Variants in DDX10 observed in about 807,000 individuals in gnomAD.
DDX10 encodes the protein probable ATP-dependent RNA helicase DDX10.
A neutral mutation model predicts 104.3 loss-of-function variants in DDX10; 74 were observed. The ratio of observed to expected loss-of-function variants is 0.71; its 90% CI spans 0.59 to 0.86. The LOEUF (loss-of-function observed/expected upper bound fraction) is 0.86, where lower values mean the gene tolerates loss of function less well. Among genes scored for constraint, DDX10 ranks in the 40% least tolerant of loss-of-function variants. The probability of loss-of-function intolerance (pLI) is 0.00; values close to 1 mark genes in which losing one functional copy is unlikely to be tolerated. For synonymous variants in DDX10, 351 were observed against 353.4 expected, an observed-to-expected ratio of 0.99 and a Z score of 0.08; for missense variants, 952 against 1,040.0, an observed-to-expected ratio of 0.92 and a Z score of 1.16.
chr11:108,696,909 A>T (rs1043997589), intron 9 of DDX10, among the ~76,000 whole-genome samples: 1 of 152,122 alleles, frequency 6.6e-6, no homozygotes, highest in Non-Finnish European at 1.5e-5. Context: ...TCAGGAAAAG[A>T]TTCTAGAGGG....
In DDX10 at chr11:108,882,797, A is replaced by G. The variant is rs1863245091; in HGVS notation, c.2304+30588A>G. The stretch of plus-strand genomic sequence containing the variant: ...ATGTGCAAAAATGCTCTTGGAAGAA[A>G]GGACATTAAACTATACACGATACTA... On this transcript the variant is annotated intron_variant, in intron 16 of 17. Coordinates refer to ENST00000322536, the MANE Select transcript of DDX10 (RefSeq NM_004398.4). 2.0e-5 allele frequency among the ~76,000 whole-genome samples: 3 copies of G among 152,238 alleles called. No homozygotes were observed. The South Asian group carries it at 6.2e-4, about 31-fold the overall frequency.
intron 13 of DDX10, 62 bp from the exon 14 acceptor site, chr11:108,838,384 G>T (rs1591831772): frequency 1.9e-6 from 3 of 1,546,802 alleles, no homozygotes; most frequent in East Asian, 4.6e-5. Flanking sequence ...GCCAGAGTTG[G>T]ATTGTTAATA....
At chr11:108,889,581 A>G (rs1863347458) in intron 16 of DDX10, among the ~76,000 whole-genome samples, 2 of 152,204 alleles carry the variant, frequency 1.3e-5, no homozygotes, top group Non-Finnish European at 2.9e-5. Flanking sequence ...AACTTTTGCC[A>G]AAGTACGGAT....
In DDX10 at chr11:108,791,381, TG is replaced by T. The variant is rs990426379; in HGVS notation, c.1966-47059del. 4.3e-4 allele frequency among the ~76,000 whole-genome samples: 66 copies of T among 152,304 alleles called. 1 individual carries two copies. Among genetic ancestry groups the T allele is most frequent in the Admixed American group, 1.5e-3 (23 of 15,294 alleles). On this transcript the variant is annotated intron_variant, in intron 13 of 17. Coordinates refer to ENST00000322536, the MANE Select transcript of DDX10 (RefSeq NM_004398.4). ...AAGTCCTGCCTACATTAGAAAGTCA[TG>T]GGGGGAAAAGTGATCATTTGTATTC... is the stretch of plus-strand genomic sequence containing the variant.
chr11:108,693,320 TTTAG>T lies in DDX10; in HGVS notation c.1139-193_1139-190del, dbSNP rs539519228. ...TCTTCATATTCAAACAGTCATTAAT[TTTAG>T]TTCATTTTGTCAAGAGAAATGTTTA... On this transcript the variant is annotated intron_variant, in intron 8 of 17. Transcript: ENST00000322536. Among the ~76,000 whole-genome samples the T allele has an allele frequency of 3.4e-3, 524 of 152,338 alleles. 4 individuals carry two copies. The highest frequency in any genetic ancestry group is 0.027 in the South Asian group (130 of 4,824).
At chr11:108,826,770 C>T (rs1438731523) in intron 13 of DDX10, among the ~76,000 whole-genome samples, 1 of 152,178 alleles carries the variant, frequency 6.6e-6, no homozygotes, top group Non-Finnish European at 1.5e-5. Context: ...GGTCCAACCT[C>T]ATTGAGAGGC....
intron 13 of DDX10, among the ~76,000 whole-genome samples, chr11:108,730,310 T>A (rs1319514057): frequency 6.6e-6 from 1 of 152,226 alleles, no homozygotes; most frequent in Non-Finnish European, 1.5e-5. Context: ...AGACAGGTTT[T>A]CCCTTATGAC....
At chr11:108,922,243 C>CAAAAAAAAAAAAAAAAAAAAAAA (rs3030537) in intron 17 of DDX10, 9 of 79,320 alleles carry the variant, frequency 1.1e-4, no homozygotes, top group East Asian at 3.3e-4. Flanking sequence ...GACTCCATCT[C>CAAAAAAAAAAAAAAAAAAAAAAA]AAAAAAAAAA....
chr11:108,698,267 T>C (rs1283269824), intron 9 of DDX10, among the ~76,000 whole-genome samples: 1 of 152,206 alleles, frequency 6.6e-6, no homozygotes, highest in Non-Finnish European at 1.5e-5. Flanking sequence ...ATAATAAAAG[T>C]AAAAAGACAG....
chr11:108,757,994 T>A (rs2094346508), intron 13 of DDX10, among the ~76,000 whole-genome samples: 1 of 152,064 alleles, frequency 6.6e-6, no homozygotes, highest in Non-Finnish European at 1.5e-5. Flanking sequence ...GTGCTTATGC[T>A]TGGGCTGCCT....
chr11:108,890,962 G>T (rs532511790), intron 16 of DDX10, among the ~76,000 whole-genome samples: 31 of 152,110 alleles, frequency 2.0e-4, no homozygotes, highest in Non-Finnish European at 1.3e-4. Context: ...AGTGCATGCA[G>T]CCTTTCTCCC....
chr11:108,846,102 C>T (rs1862713854), intron 15 of DDX10, among the ~76,000 whole-genome samples: 1 of 152,044 alleles, frequency 6.6e-6, no homozygotes, highest in Admixed American at 6.5e-5. Flanking sequence ...CAATTTTTTA[C>T]ATTTATTGTT....
intron 13 of DDX10, among the ~76,000 whole-genome samples, chr11:108,743,780 G>C (rs2094328102): frequency 6.6e-6 from 1 of 152,100 alleles, no homozygotes; most frequent in South Asian, 2.1e-4. Flanking sequence ...AATAACCTTG[G>C]TAGAGGGAGT....
intron 13 of DDX10, among the ~76,000 whole-genome samples, chr11:108,748,425 A>C (rs1016669197): frequency 6.6e-6 from 1 of 152,220 alleles, no homozygotes; most frequent in African/African-American, 2.4e-5. Context: ...ACTGTCAACC[A>C]TCCTGGCCAA....
intron 16 of DDX10, among the ~76,000 whole-genome samples, chr11:108,884,198 A>G (rs143116481): frequency 2.5e-4 from 38 of 152,262 alleles, no homozygotes; most frequent in Admixed American, 3.9e-4. Flanking sequence ...TTTTATTTAC[A>G]TATCTTCATC....
intron 14 of DDX10, among the ~76,000 whole-genome samples, chr11:108,839,971 A>G (rs1254556137): frequency 6.6e-6 from 1 of 152,212 alleles, no homozygotes; most frequent in Non-Finnish European, 1.5e-5. Flanking sequence ...AAATGTTTCA[A>G]TGTGTACTTA....
intron 17 of DDX10, among the ~76,000 whole-genome samples, chr11:108,939,720 A>G (rs1864081872): frequency 6.6e-6 from 1 of 152,222 alleles, no homozygotes; most frequent in African/African-American, 2.4e-5. Flanking sequence ...TCTTTGATAC[A>G]GATTTTTAAA....
intron 17 of DDX10, among the ~76,000 whole-genome samples, chr11:108,931,371 G>A (rs1397832109): frequency 1.3e-5 from 2 of 152,152 alleles, no homozygotes; most frequent in East Asian, 1.9e-4. Context: ...ACCCTGTGAC[G>A]TTCAGCAGTT....
intron 13 of DDX10, among the ~76,000 whole-genome samples, chr11:108,811,495 A>G (rs956496094): frequency 2.0e-5 from 3 of 152,218 alleles, no homozygotes; most frequent in Non-Finnish European, 4.4e-5. Context: ...TTTATTTTTG[A>G]AAAGGAAACA....
Sources: allele counts gnomAD v4.1 joint callset (sites outside exome capture counted in the v4.1 genomes callset), GRCh38; gene constraint gnomAD v4.1.1; transcripts MANE v1.5; gene names NCBI Gene and HGNC (gene_info 2026-07-23, HGNC 2026-07-21).